Variants in IGHMBP2 observed in about 807,000 individuals in gnomAD.
IGHMBP2 encodes the protein DNA-binding protein SMUBP-2.
IGHMBP2 carries 81 observed loss-of-function variants against 96.0 expected under a neutral mutation model. That is an observed-to-expected ratio of 0.84 (90% CI 0.71 to 1.01). IGHMBP2 has a LOEUF of 1.01. IGHMBP2 is among the 50% of genes least tolerant of loss of function. The pLI is 0.00. For missense variants in IGHMBP2, 1,227 were observed against 1,306.3 expected, an observed-to-expected ratio of 0.94 and a Z score of 0.94; for synonymous variants, 557 against 548.9, an observed-to-expected ratio of 1.01 and a Z score of -0.21.
intron 7 of IGHMBP2, among the ~76,000 whole-genome samples, chr11:68,923,812 A>C (rs1345584951): frequency 6.6e-6 from 1 of 152,128 alleles, no homozygotes; most frequent in African/African-American, 2.4e-5. Context: ...GCATGTGCTA[A>C]TCACAATACC....
intron 5 of IGHMBP2, among the ~76,000 whole-genome samples, chr11:68,913,488 CTT>C (rs1234747961): frequency 6.7e-6 from 1 of 149,498 alleles, no homozygotes; most frequent in Non-Finnish European, 1.5e-5. Context: ...GCCACCTCCT[CTT>C]TTTTTTTTCC....
intron 2 of IGHMBP2, among the ~76,000 whole-genome samples, chr11:68,907,846 C>T (rs1423554847): frequency 6.6e-6 from 1 of 152,010 alleles, no homozygotes; most frequent in Non-Finnish European, 1.5e-5. Flanking sequence ...CCCGCCACCA[C>T]GCCTGGCTAA....
At chr11:68,935,207 C>G in intron 11 of IGHMBP2, 92 bp from the exon 12 acceptor site, 1 of 1,534,242 alleles carries the variant, frequency 6.5e-7, no homozygotes, top group Non-Finnish European at 8.9e-7. Context: ...CTGGCTGTTT[C>G]ACAGCGTGAG....
At position 68,940,379 on chromosome 11, in the gene IGHMBP2, G is replaced by C. The variant is rs139118510; in HGVS notation, c.*648G>C. ...CAGCCCCTCCTTGTTGCGCCTCACCGTGGGGACCAGGTGAGCCGGCTCTCC... is the reference window on the plus strand; with the variant it reads ...CAGCCCCTCCTTGTTGCGCCTCACCCTGGGGACCAGGTGAGCCGGCTCTCC... On this transcript the variant is annotated 3_prime_UTR_variant, in exon 15 of 15. Coordinates refer to ENST00000255078, the MANE Select transcript of IGHMBP2 (RefSeq NM_002180.3). The C allele has an allele frequency of 6.6e-6, 1 of 152,324 alleles. No homozygotes were observed. Among genetic ancestry groups the C allele is most frequent in the African/African-American group, 2.4e-5 (1 of 41,388 alleles). The allele number at this position is 152,324 out of a possible 1,614,324, so 9.4% of individuals were successfully genotyped here. A position where few individuals can be genotyped will look rare whatever the true frequency, so the allele number is the denominator to read the frequency against.
At position 68,936,580 on chromosome 11, in the gene IGHMBP2, G is replaced by C; in HGVS notation, c.2100G>C (p.Lys700Asn). The C allele has an allele frequency of 1.2e-5, 19 of 1,612,166 alleles. No homozygotes were observed. Among genetic ancestry groups the C allele is most frequent in the Non-Finnish European group, 1.6e-5 (19 of 1,178,942 alleles). Reference protein sequence around the residue: ...ARQGRKKPAGKSLASEAPSQP... With the variant: ...ARQGRKKPAGNSLASEAPSQP... Reference sequence around the variant, plus strand: ...AGGGCCGGAAGAAGCCGGCTGGGAAGTCTCTGGCCTCTGAAGCTCCATCTC... The same window carrying C: ...AGGGCCGGAAGAAGCCGGCTGGGAACTCTCTGGCCTCTGAAGCTCCATCTC... Residue 700 changes from lysine (K) to asparagine (N), a missense_variant, in exon 13 of 15, where the codon AAG (lysine) becomes AAC (asparagine). Lys to Asn is a moderately conservative substitution (Grantham distance 94, BLOSUM62 0). Coordinates refer to ENST00000255078, the MANE Select transcript of IGHMBP2 (RefSeq NM_002180.3).
chr11:68,923,631 G>A (rs1858956727), intron 7 of IGHMBP2, among the ~76,000 whole-genome samples: 1 of 152,168 alleles, frequency 6.6e-6, no homozygotes. Flanking sequence ...ATATTCCCCT[G>A]TACTGAGGTA....
chr11:68,933,166 G>T, intron 8 of IGHMBP2, 133 bp from the exon 9 acceptor site: 2 of 912,462 alleles, frequency 2.2e-6, no homozygotes, highest in Non-Finnish European at 3.4e-6. Flanking sequence ...CCCGCCCCTT[G>T]GTTACTTCTG....
Position 68,906,247 on chromosome 11 carries a change from G to C in IGHMBP2, c.256+9G>C. 6.2e-7 allele frequency: 1 copy of C among 1,613,660 alleles called. No individual in the cohort carries two copies. Among genetic ancestry groups the C allele is most frequent in the Non-Finnish European group, 8.5e-7 (1 of 1,179,710 alleles). On this transcript the variant is annotated intron_variant, in intron 2 of 14. Coordinates refer to ENST00000255078, the MANE Select transcript of IGHMBP2 (RefSeq NM_002180.3). ...TAACAGCTTTACTTCTGGTGTGTGC[G>C]TATTGACCTAGACAGACATTGAAAT... is the stretch of plus-strand genomic sequence containing the variant.
At chr11:68,921,649 T>G (rs969849052) in intron 7 of IGHMBP2, among the ~76,000 whole-genome samples, 1 of 152,252 alleles carries the variant, frequency 6.6e-6, no homozygotes, top group African/African-American at 2.4e-5. Flanking sequence ...GTGAATTATC[T>G]TTAAAGAGAT....
chr11:68,935,554 G>GATGCTGC, intron 12 of IGHMBP2, 132 bp downstream of exon 12: 4 of 1,074,056 alleles, frequency 3.7e-6, no homozygotes, highest in Non-Finnish European at 4.2e-6. Context: ...TCTGTCCTTA[G>GATGCTGC]TAAGTTCACG....
intron 8 of IGHMBP2, chr11:68,930,320 T>C (rs777558700): frequency 1.6e-6 from 2 of 1,289,766 alleles, no homozygotes; most frequent in South Asian, 1.2e-5. Flanking sequence ...TGTGGGTGTG[T>C]AGAAGCTATG....
intron 7 of IGHMBP2, among the ~76,000 whole-genome samples, chr11:68,925,147 T>TC (rs1859018340): frequency 6.7e-6 from 1 of 148,840 alleles, no homozygotes; most frequent in Admixed American, 6.7e-5. Flanking sequence ...AGGTTCTTTT[T>TC]TTTTTTTTTT....
At position 68,936,417 on chromosome 11, in the gene IGHMBP2, T is replaced by C. The variant is rs1859529795; in HGVS notation, c.1937T>C (p.Ile646Thr). Residue 646 changes from isoleucine (I) to threonine (T), a missense_variant, in exon 13 of 15, where the codon ATT (isoleucine) becomes ACT (threonine). Coordinates refer to ENST00000255078, the MANE Select transcript of IGHMBP2 (RefSeq NM_002180.3). ...VRTAFEYLDD[I>T]VPENYSHENS... is the part of the protein sequence containing the mutation. ...ACGGCCTTTGAGTATCTTGACGATA[T>C]TGTCCCAGAAAACTATTCCCATGAG... 6 of 1,614,078 alleles carry C rather than the reference T, an allele frequency of 3.7e-6. No homozygotes were observed. In the East Asian group the frequency reaches 8.9e-5, roughly 24 times the overall value.
At chr11:68,913,245 A>G (rs1037118407) in intron 5 of IGHMBP2, among the ~76,000 whole-genome samples, 1 of 152,134 alleles carries the variant, frequency 6.6e-6, no homozygotes, top group Non-Finnish European at 1.5e-5. Context: ...CTGGTAAGAA[A>G]AGATGACTTA....
rs564645287 is a variant in IGHMBP2 at position 68,914,972 on chromosome 11, C to T, written c.861C>T (p.Ser287=). 1.5e-5 allele frequency: 25 copies of T among 1,614,096 alleles called. No homozygotes were observed. The East Asian group carries it at 2.9e-4, about 19-fold the overall frequency. ...QHSLDAVLAR[S]DSAQIVADIR... ...CCCTGGATGCGGTTTTAGCGCGGAG[C>T]GACAGTGCCCAGATTGTTGCAGATA... The change falls in exon 6 of 15, where the codon AGC becomes AGT. Residue 287 remains serine, a synonymous_variant. Transcript: ENST00000255078.
At chr11:68,930,297 T>G (rs778628336) in intron 8 of IGHMBP2, 3 of 1,288,360 alleles carry the variant, frequency 2.3e-6, no homozygotes, top group Non-Finnish European at 1.0e-6. Context: ...TTTGAAACAC[T>G]TCTCTGTTTC....
chr11:68,908,687 A>G (rs1255944232), intron 4 of IGHMBP2, 56 bp downstream of exon 4: 3 of 1,219,580 alleles, frequency 2.5e-6, no homozygotes, highest in Non-Finnish European at 3.6e-6. Flanking sequence ...AGTATAGAGA[A>G]CAGTGTGACC....
In IGHMBP2 at chr11:68,935,403, C is replaced by T. The variant is rs368775789; in HGVS notation, c.1737C>T (p.Phe579=). The T allele has an allele frequency of 3.2e-5, 52 of 1,613,994 alleles. No individual in the cohort carries two copies. Among genetic ancestry groups the T allele is most frequent in the Middle Eastern group, 1.6e-4 (1 of 6,084 alleles). ...AGAAGGAGGCCGTGATACTGTCCTT[C>T]GTCAGATCCAACAGGAAAGGTACGG... The part of the protein sequence containing the change: ...GREKEAVILS[F]VRSNRKGEVG... Residue 579 remains phenylalanine (F), a synonymous_variant, in exon 12 of 15, where the codon TTC becomes TTT. Coordinates refer to ENST00000255078, the MANE Select transcript of IGHMBP2 (RefSeq NM_002180.3).
At position 68,908,246 on chromosome 11, in the gene IGHMBP2, G is replaced by A. The variant is rs1243611947; in HGVS notation, c.358G>A (p.Glu120Lys). 1.2e-6 allele frequency: 2 copies of A among 1,614,068 alleles called. No individual in the cohort carries two copies. Among genetic ancestry groups the A allele is most frequent in the Non-Finnish European group, 1.7e-6 (2 of 1,180,006 alleles). Residue 120 changes from glutamate to lysine, a missense_variant, in exon 3 of 15, where the codon GAG (glutamate) becomes AAG (lysine). Glu to Lys is a moderately conservative substitution (Grantham distance 56, BLOSUM62 1). Coordinates refer to ENST00000255078, the MANE Select transcript of IGHMBP2 (RefSeq NM_002180.3). Reference sequence around the variant, plus strand: ...GAAGTCGGTCACGGTGGCCTTTGATGAGTCCCACGATTTCCAGTTGAGCTT... The same window carrying A: ...GAAGTCGGTCACGGTGGCCTTTGATAAGTCCCACGATTTCCAGTTGAGCTT... ...TQKSVTVAFD[E>K]SHDFQLSLDR...
Sources: gnomAD v4.1 joint callset for allele counts (sites outside exome capture counted in the v4.1 genomes callset) on GRCh38, gnomAD v4.1.1 for gene constraint, MANE v1.5 for transcripts, NCBI Gene and HGNC (gene_info 2026-07-23, HGNC 2026-07-21) for gene names.